Variants in PLEKHA7 observed in about 807,000 individuals in gnomAD.
PLEKHA7 encodes the protein pleckstrin homology domain containing A7, also known as pleckstrin homology domain-containing family A member 7.
A neutral mutation model predicts 170.0 loss-of-function variants in PLEKHA7; 104 were observed. The observed-to-expected ratio is 0.61, with a 90% confidence interval of 0.52 to 0.72. The LOEUF is 0.72. Among genes scored for constraint, PLEKHA7 ranks in the 30% least tolerant of loss-of-function variants. PLEKHA7 has a pLI of 0.00. For synonymous variants in PLEKHA7, 648 were observed against 660.8 expected (o/e 0.98, Z 0.30); for missense variants, 1,615 against 1,671.7 (o/e 0.97, Z 0.59).
rs966779612 is a variant in PLEKHA7, at chr11:16,913,461, C to G, written c.222-42279G>C. Among the ~76,000 whole-genome samples, 111 of 152,306 alleles carry G rather than the reference C, an allele frequency of 7.3e-4. 1 individual carries two copies. The highest frequency in any genetic ancestry group is 2.6e-3 in the African/African-American group (109 of 41,566). ...GTCTCGACAGCAGTAGCCAGAGACC[C>G]TCAAATTTCCTCCAGGGTAACATAA... On this transcript the variant is annotated intron_variant, in intron 3 of 26. Coordinates refer to ENST00000531066, the MANE Select transcript of PLEKHA7 (RefSeq NM_001329630.2).
At chr11:16,992,377 T>G (rs1257865360) in intron 3 of PLEKHA7, among the ~76,000 whole-genome samples, 3 of 152,206 alleles carry the variant, frequency 2.0e-5, no homozygotes, top group Non-Finnish European at 4.4e-5. Context: ...CTCCTGTCTG[T>G]GGTCTCTGGG....
At chr11:16,945,847 G>A (rs1860995673) in intron 3 of PLEKHA7, among the ~76,000 whole-genome samples, 1 of 152,212 alleles carries the variant, frequency 6.6e-6, no homozygotes, top group Non-Finnish European at 1.5e-5. Context: ...GCCCGCTAGG[G>A]ACCTGATTAA....
intron 3 of PLEKHA7, among the ~76,000 whole-genome samples, chr11:16,968,652 G>A (rs1194348574): frequency 5.9e-5 from 9 of 152,180 alleles, no homozygotes; most frequent in South Asian, 4.2e-4. Context: ...TTTTTGCAGC[G>A]GAACAACACA....
intron 3 of PLEKHA7, among the ~76,000 whole-genome samples, chr11:16,980,416 G>A (rs991172845): frequency 2.0e-5 from 3 of 152,172 alleles, no homozygotes; most frequent in Non-Finnish European, 4.4e-5. Context: ...CTGCCCCATG[G>A]GGGAGAATGG....
chr11:16,878,268 GCT>G (rs901618765), intron 3 of PLEKHA7, among the ~76,000 whole-genome samples: 1 of 151,968 alleles, frequency 6.6e-6, no homozygotes, highest in African/African-American at 2.4e-5. Context: ...CCTCCTACCG[GCT>G]CTTTCTGCTT....
At chr11:16,915,198 G>A (rs1239950941) in intron 3 of PLEKHA7, among the ~76,000 whole-genome samples, 5 of 152,146 alleles carry the variant, frequency 3.3e-5, no homozygotes, top group Middle Eastern at 3.2e-3. Flanking sequence ...AGGCAACATT[G>A]CCCTGAACTC....
intron 9 of PLEKHA7, among the ~76,000 whole-genome samples, chr11:16,827,987 C>G (rs1850795959): frequency 6.6e-6 from 1 of 150,904 alleles, no homozygotes; most frequent in East Asian, 1.9e-4. Flanking sequence ...ACTTCAGAAC[C>G]TCAGCTATCA....
intron 3 of PLEKHA7, among the ~76,000 whole-genome samples, chr11:16,967,293 T>C (rs985925245): frequency 1.3e-5 from 2 of 152,186 alleles, no homozygotes; most frequent in Non-Finnish European, 2.9e-5. Flanking sequence ...CAGCAACCTC[T>C]AGGATAGCGC....
At position 17,014,171 on chromosome 11, in the gene PLEKHA7, A is replaced by G. The variant is rs61881311; in HGVS notation, c.117T>C (p.His39=). ...AGTTGACGGGCTCCCCGGTGCGCGGATGCAGCCAGGTCGTGCAGCGGAGCT... is the reference window on the plus strand; with the variant it reads ...AGTTGACGGGCTCCCCGGTGCGCGGGTGCAGCCAGGTCGTGCAGCGGAGCT... ...NDQLRCTTWL[H]PRTGEPVNSG... Residue 39 remains histidine, a synonymous_variant, in exon 2 of 27, where the codon CAT becomes CAC. Coordinates refer to ENST00000531066, the MANE Select transcript of PLEKHA7 (RefSeq NM_001329630.2). 1,058,453 of 1,598,820 alleles carry G rather than the reference A, an allele frequency of 0.66. 354,234 individuals carry two copies. Among genetic ancestry groups the G allele is most frequent in the East Asian group, 0.96 (42,110 of 43,780 alleles).
In PLEKHA7 at chr11:16,778,732, A is replaced by T. The variant is rs1848812845; in HGVS notation, c.*266T>A. ...GCCCTTGAGGGGAACATTAGAAAAT[A>T]GATTCCGATTCTAAAATACAGTGTA... On this transcript the variant is annotated 3_prime_UTR_variant, in exon 27 of 27. Coordinates refer to ENST00000531066, the MANE Select transcript of PLEKHA7 (RefSeq NM_001329630.2). 1.9e-6 allele frequency: 1 copy of T among 533,924 alleles called. No individual in the cohort carries two copies. Among genetic ancestry groups the T allele is most frequent in the Non-Finnish European group, 3.4e-6 (1 of 296,428 alleles). The allele number at this position is 533,924 out of a possible 1,614,324, so 33.1% of individuals were successfully genotyped here. A position where few individuals can be genotyped will look rare whatever the true frequency, so the allele number is the denominator to read the frequency against.
intron 17 of PLEKHA7, among the ~76,000 whole-genome samples, chr11:16,799,132 C>T (rs927223787): frequency 3.3e-5 from 5 of 152,148 alleles, no homozygotes; most frequent in Admixed American, 2.6e-4. Context: ...TTTTGAATTT[C>T]AGTTACTTTT....
intron 7 of PLEKHA7, 48 bp downstream of exon 7, chr11:16,852,235 T>A: frequency 6.5e-7 from 1 of 1,545,618 alleles, no homozygotes; most frequent in Non-Finnish European, 8.9e-7. Context: ...CATCCACATA[T>A]GTAAAACTGA....
chr11:16,914,355 G>A (rs898979843), intron 3 of PLEKHA7, among the ~76,000 whole-genome samples: 2 of 152,126 alleles, frequency 1.3e-5, no homozygotes, highest in Non-Finnish European at 2.9e-5. Context: ...GTACCTCAGC[G>A]CCATAAATCT....
At chr11:16,964,569 C>A (rs1347221360) in intron 3 of PLEKHA7, among the ~76,000 whole-genome samples, 1 of 152,194 alleles carries the variant, frequency 6.6e-6, no homozygotes, top group Non-Finnish European at 1.5e-5. Context: ...GGGGTAACAG[C>A]AAAGGACTGC....
chr11:16,989,292 C>T (rs973789562), intron 3 of PLEKHA7, among the ~76,000 whole-genome samples: 3 of 152,208 alleles, frequency 2.0e-5, no homozygotes, highest in Admixed American at 1.3e-4. Flanking sequence ...GACTAGAATC[C>T]TGGTCCTGTC....
chr11:16,977,655 T>A (rs1215481681), intron 3 of PLEKHA7, among the ~76,000 whole-genome samples: 1 of 152,032 alleles, frequency 6.6e-6, no homozygotes, highest in East Asian at 1.9e-4. Flanking sequence ...CTGCCCCAAC[T>A]CAGAGCCTCC....
At chr11:16,899,815 G>A (rs1195678030) in intron 3 of PLEKHA7, among the ~76,000 whole-genome samples, 1 of 152,218 alleles carries the variant, frequency 6.6e-6, no homozygotes, top group Non-Finnish European at 1.5e-5. Flanking sequence ...GTGATTTGCT[G>A]AAAGGCAAAG....
chr11:16,960,898 CCAGTT>C (rs1590726383), intron 3 of PLEKHA7, among the ~76,000 whole-genome samples: 2 of 152,166 alleles, frequency 1.3e-5, no homozygotes, highest in East Asian at 3.9e-4. Context: ...AGCTCTCACT[CCAGTT>C]ACCCACAACT....
chr11:16,867,999 T>C (rs946442255), intron 4 of PLEKHA7, among the ~76,000 whole-genome samples: 3 of 152,152 alleles, frequency 2.0e-5, no homozygotes, highest in African/African-American at 7.2e-5. Flanking sequence ...GTGCTCCTCA[T>C]TTTTCACTTA....
Sources: gnomAD v4.1 joint callset for allele counts (sites outside exome capture counted in the v4.1 genomes callset) on GRCh38, gnomAD v4.1.1 for gene constraint, MANE v1.5 for transcripts, NCBI Gene and HGNC (gene_info 2026-07-23, HGNC 2026-07-21) for gene names.